NUP210L: variants seen among roughly 807,000 people sequenced by gnomAD.
NUP210L encodes nucleoporin 210 like.
In NUP210L, 74 loss-of-function variants were observed where a neutral mutation model predicts 208.5. The observed-to-expected ratio is 0.35, with a 90% CI of 0.29 to 0.43. NUP210L has a LOEUF of 0.43. NUP210L is among the 20% of genes least tolerant of loss of function. NUP210L has a pLI of 1.00. For synonymous variants in NUP210L, 780 were observed against 816.9 expected, an observed-to-expected ratio of 0.95 and a Z score of 0.77; for missense variants, 1,843 against 2,289.4, an observed-to-expected ratio of 0.81 and a Z score of 3.98.
At chr1:154,137,729 T>A (rs760877367) in intron 6 of NUP210L, among the ~76,000 whole-genome samples, 5 of 151,722 alleles carry the variant, frequency 3.3e-5, no homozygotes, top group African/African-American at 9.7e-5. Context: ...AAAATAAAAA[T>A]AAAAAAATAA....
chr1:154,064,014 AT>A (rs1215932591), intron 17 of NUP210L, among the ~76,000 whole-genome samples: 3 of 149,476 alleles, frequency 2.0e-5, no homozygotes, highest in African/African-American at 7.3e-5. Context: ...TATAAATTAT[AT>A]AACACGTCTA....
chr1:154,045,742 G>A (rs2147970592), intron 27 of NUP210L, among the ~76,000 whole-genome samples: 1 of 152,284 alleles, frequency 6.6e-6, no homozygotes, highest in South Asian at 2.1e-4. Flanking sequence ...AGCACTTCGG[G>A]AGGTCACAGT....
chr1:154,137,586 G>A (rs1658612000), intron 6 of NUP210L, among the ~76,000 whole-genome samples: 1 of 150,944 alleles, frequency 6.6e-6, no homozygotes, highest in Non-Finnish European at 1.5e-5. Context: ...ATGGTGGCAG[G>A]AACCTGTAGT....
intron 12 of NUP210L, among the ~76,000 whole-genome samples, chr1:154,113,258 A>ATT (rs1053982763): frequency 1.0e-4 from 15 of 149,060 alleles, no homozygotes; most frequent in Non-Finnish European, 1.8e-4. Context: ...ATATAAATAC[A>ATT]TTATATATAT....
chr1:154,058,424 C>T, intron 21 of NUP210L, 141 bp downstream of exon 21: 1 of 1,117,608 alleles, frequency 8.9e-7, no homozygotes, highest in Non-Finnish European at 1.3e-6. Context: ...AAATGTTGTT[C>T]TTTAAGGGCA....
Position 154,001,086 on chromosome 1 carries a change from T to A in NUP210L, c.5182-26A>T, listed in dbSNP as rs573205158. On this transcript the variant is annotated intron_variant, in intron 36 of 39. Transcript: ENST00000368559. ...CTTGGAGAAAAGATAAAACCTTTTATTTAAAAGAAGAAAAATCAACTTTGT... is the reference window on the plus strand; with the variant it reads ...CTTGGAGAAAAGATAAAACCTTTTAATTAAAAGAAGAAAAATCAACTTTGT... 11 of 1,593,756 alleles carry A rather than the reference T, an allele frequency of 6.9e-6. No individual in the cohort carries two copies. The South Asian group carries it at 8.9e-5, about 13-fold the overall frequency.
At chr1:154,103,931 G>A (rs1656613916) in intron 13 of NUP210L, 81 bp downstream of exon 13, 7 of 1,106,076 alleles carry the variant, frequency 6.3e-6, no homozygotes, top group African/African-American at 1.6e-5. Flanking sequence ...TAAAGACAAA[G>A]AAAGTAATCT....
intron 35 of NUP210L, among the ~76,000 whole-genome samples, chr1:154,003,286 C>G (rs1466399429): frequency 6.6e-6 from 1 of 151,932 alleles, no homozygotes; most frequent in Non-Finnish European, 1.5e-5. Context: ...CAGCTCACTG[C>G]AAGCTCTGCC....
At chr1:154,129,020 T>C (rs1006815415) in intron 8 of NUP210L, among the ~76,000 whole-genome samples, 2 of 152,236 alleles carry the variant, frequency 1.3e-5, no homozygotes, top group Non-Finnish European at 2.9e-5. Flanking sequence ...TCTTTTTTCC[T>C]TGTATAAAGT....
chr1:154,059,982 T>C (rs1654052553), intron 20 of NUP210L, among the ~76,000 whole-genome samples: 2 of 152,336 alleles, frequency 1.3e-5, no homozygotes, highest in South Asian at 4.1e-4. Flanking sequence ...CCTGGCGCAG[T>C]GGTTCACACC....
intron 18 of NUP210L, among the ~76,000 whole-genome samples, 162 bp from the exon 19 acceptor site, chr1:154,061,208 T>C (rs573818614): frequency 1.3e-4 from 20 of 152,054 alleles, no homozygotes; most frequent in Non-Finnish European, 2.2e-4. Context: ...TGAAACCCCA[T>C]CTCCACTAAA....
At chr1:154,073,521 T>A (rs1654873391) in intron 16 of NUP210L, among the ~76,000 whole-genome samples, 1 of 151,702 alleles carries the variant, frequency 6.6e-6, no homozygotes, top group South Asian at 2.1e-4. Context: ...CTCAAATAAA[T>A]AAATAAATAA....
intron 35 of NUP210L, among the ~76,000 whole-genome samples, chr1:154,008,958 G>A (rs947193451): frequency 6.6e-6 from 1 of 150,808 alleles, no homozygotes; most frequent in African/African-American, 2.4e-5. Context: ...CGCCCAGTCT[G>A]GAGTGCAGTG....
At chr1:154,043,625 G>A (rs1406590223) in intron 27 of NUP210L, among the ~76,000 whole-genome samples, 2 of 140,816 alleles carry the variant, frequency 1.4e-5, no homozygotes, top group East Asian at 2.2e-4. Flanking sequence ...CACTGCACCC[G>A]GCCTTTTTTT....
rs1036155630 is a variant in NUP210L at position 154,058,227 on chromosome 1, A to C, written c.2980-11T>G. On this transcript the variant is annotated splice_polypyrimidine_tract_variant and intron_variant, in intron 21 of 39. Coordinates refer to ENST00000368559, the Ensembl canonical transcript of NUP210L. Reference sequence around the variant, plus strand: ...TTTGTCTATTTCAACCTAGTAGTTAAAAAGAAAAAGATTTTAGCAAAGGTG... The same window carrying C: ...TTTGTCTATTTCAACCTAGTAGTTACAAAGAAAAAGATTTTAGCAAAGGTG... 1.9e-6 allele frequency: 3 copies of C among 1,612,924 alleles called. No individual in the cohort carries two copies. The African/African-American group carries it at 4.0e-5, about 22-fold the overall frequency.
chr1:153,999,109 T>C (rs958051465), intron 37 of NUP210L, among the ~76,000 whole-genome samples: 4 of 152,108 alleles, frequency 2.6e-5, no homozygotes, highest in Non-Finnish European at 5.9e-5. Context: ...TAATGATCAA[T>C]ACAAACCAGA....
chr1:154,125,746 G>GAAGGAAGA lies in NUP210L; in HGVS notation c.1326+576_1326+577insTCTTCCTT, dbSNP rs1557995138. Among the ~76,000 whole-genome samples the GAAGGAAGA allele has an allele frequency of 4.9e-4, 2 of 4,116 alleles. 1 individual carries two copies. The highest frequency in any genetic ancestry group is 6.4e-4 in the African/African-American group (2 of 3,102). The allele number at this position is 4,116 out of a possible 152,430, so 2.7% of individuals were successfully genotyped here. A position where few individuals can be genotyped will look rare whatever the true frequency, so the allele number is the denominator to read the frequency against. The stretch of plus-strand genomic sequence containing the variant: ...GGAAGGAAGGAAGGAAGGGAGGGAG[G>GAAGGAAGA]GAAATGTTTTTTTTTTTTTTTTTTT... On this transcript the variant is annotated intron_variant, in intron 10 of 39. Coordinates refer to ENST00000368559, the Ensembl canonical transcript of NUP210L.
chr1:154,083,106 G>C (rs974806167), intron 16 of NUP210L, among the ~76,000 whole-genome samples: 3 of 152,148 alleles, frequency 2.0e-5, no homozygotes, highest in Non-Finnish European at 2.9e-5. Context: ...ATATTCCGCA[G>C]CACAGAAAAG....
chr1:154,057,999 A>C (rs1182282566), intron 22 of NUP210L, 90 bp downstream of exon 22: 28 of 1,354,814 alleles, frequency 2.1e-5, no homozygotes, highest in Admixed American at 7.9e-5. Flanking sequence ...AATCTGAAAT[A>C]ATCTAAGGTA....
Sources: gnomAD v4.1 joint callset for allele counts (sites outside exome capture counted in the v4.1 genomes callset) on GRCh38, gnomAD v4.1.1 for gene constraint, MANE v1.5 for transcripts, NCBI Gene and HGNC (gene_info 2026-07-23, HGNC 2026-07-21) for gene names.